The following CPSF7 variants were observed in gnomAD, a reference collection of about 807,000 sequenced individuals.
CPSF7 encodes cleavage and polyadenylation specificity factor subunit 7.
In CPSF7, 1 loss-of-function variant was observed where a neutral mutation model predicts 44.3. The ratio of observed to expected loss-of-function variants is 0.02; its 90% CI spans 0.01 to 0.11. The LOEUF is 0.11. CPSF7 is among the 10% of genes least tolerant of loss of function. The pLI is 1.00. For synonymous variants in CPSF7, 202 were observed against 222.0 expected (o/e 0.91, Z 0.80); for missense variants, 443 against 607.2 (o/e 0.73, Z 2.84).
chr11:61,419,924 C>G, intron 5 of CPSF7, 25 bp downstream of exon 5: 1 of 1,612,858 alleles, frequency 6.2e-7, no homozygotes, highest in South Asian at 1.1e-5. Context: ...CCACGTACCC[C>G]CTCTTGGGAC....
At chr11:61,410,699 C>A in intron 9 of CPSF7, 1 of 356,756 alleles carries the variant, frequency 2.8e-6, no homozygotes, top group South Asian at 8.0e-5. Context: ...ATGCAGACAC[C>A]ATACTCTCAC....
rs780165971 is a variant in CPSF7, at chr11:61,411,110, T to G, written c.1227-5A>C. 1 of 1,604,070 alleles carries G rather than the reference T, an allele frequency of 6.2e-7. No individual in the cohort carries two copies. The highest frequency in any genetic ancestry group is 1.1e-5 in the South Asian group (1 of 89,936). ...TCCCGGGAGCGATGTCTTTTCCTAT[T>G]AGAAAGATCCTTCAGCCTCACTCAG... On this transcript the variant is annotated splice_polypyrimidine_tract_variant and splice_region_variant and intron_variant, in intron 8 of 9. Transcript: ENST00000439958.
rs541138809 is a variant in CPSF7, at chr11:61,429,366, C to G, written c.-55-76G>C. On this transcript the variant is annotated intron_variant, in intron 1 of 9. Transcript: ENST00000439958. Reference sequence around the variant, plus strand: ...TGGGAAGAGGGTAATGATTGCTAACCTCCCATCTCCAGAGACGCAGCATCC... The same window carrying G: ...TGGGAAGAGGGTAATGATTGCTAACGTCCCATCTCCAGAGACGCAGCATCC... 1.7e-4 allele frequency: 146 copies of G among 851,952 alleles called. 2 individuals are homozygous for G. The highest frequency in any genetic ancestry group is 1.1e-3 in the Admixed American group (60 of 53,954). 52.8% of individuals were successfully genotyped at this position (851,952 alleles called of 1,614,324 possible).
At chr11:61,408,144 C>T (rs1859492517) in intron 9 of CPSF7, among the ~76,000 whole-genome samples, 1 of 151,306 alleles carries the variant, frequency 6.6e-6, no homozygotes, top group Non-Finnish European at 1.5e-5. Context: ...GCAAGCTCTG[C>T]CTCCCGGGTT....
chr11:61,427,356 TA>T (rs1170664768), intron 2 of CPSF7: 1 of 152,106 alleles, frequency 6.6e-6, no homozygotes, highest in Non-Finnish European at 1.5e-5. Flanking sequence ...TGGACTTATT[TA>T]AAACTAAAAA....
At chr11:61,416,618 G>A (rs1860364708) in intron 5 of CPSF7, 99 bp from the exon 6 acceptor site, 2 of 1,279,516 alleles carry the variant, frequency 1.6e-6, no homozygotes, top group South Asian at 2.6e-5. Context: ...TACAAAGGAA[G>A]GTGACTAAAG....
At chr11:61,409,415 G>A (rs906768384) in intron 9 of CPSF7, among the ~76,000 whole-genome samples, 8 of 151,984 alleles carry the variant, frequency 5.3e-5, no homozygotes, top group Non-Finnish European at 5.9e-5. Context: ...AGTTTGCAGT[G>A]AGCCGAGATT....
At chr11:61,428,305 C>G (rs1188587165) in intron 2 of CPSF7, among the ~76,000 whole-genome samples, 1 of 152,192 alleles carries the variant, frequency 6.6e-6, no homozygotes, top group Non-Finnish European at 1.5e-5. Flanking sequence ...GCCTCACTCT[C>G]CAGAGTAGAT....
chr11:61,421,833 A>G (rs181486461), intron 2 of CPSF7, among the ~76,000 whole-genome samples: 4 of 152,252 alleles, frequency 2.6e-5, no homozygotes, highest in Admixed American at 6.5e-5. Context: ...TAGTCTGTAA[A>G]GTTTCTGGCT....
Position 61,427,854 on chromosome 11 carries a change from T to C in CPSF7, c.54+1328A>G, listed in dbSNP as rs533800621. On this transcript the variant is annotated intron_variant, in intron 2 of 9. Transcript: ENST00000439958. The stretch of plus-strand genomic sequence containing the variant: ...TAATTTCCATGTTATAAAACCATAA[T>C]ACATCAAAAAATAGATTTTCATGTA... Among the ~76,000 whole-genome samples the C allele has an allele frequency of 7.9e-5, 12 of 152,296 alleles. 2 individuals carry two copies. The highest frequency in any genetic ancestry group is 2.9e-4 in the African/African-American group (12 of 41,574).
chr11:61,425,783 T>C (rs184226149), intron 2 of CPSF7, among the ~76,000 whole-genome samples: 33 of 152,340 alleles, frequency 2.2e-4, no homozygotes, highest in African/African-American at 7.5e-4. Flanking sequence ...TCACTGTACA[T>C]TGTCGTTGTC....
At chr11:61,424,882 G>C (rs10897159) in intron 2 of CPSF7, among the ~76,000 whole-genome samples, 9,245 of 152,244 alleles carry the variant, frequency 0.061, 989 homozygotes, top group African/African-American at 0.21. Context: ...AGGTATATGT[G>C]TCTAAAATTT....
At chr11:61,412,511 G>C (rs532986053) in intron 7 of CPSF7, among the ~76,000 whole-genome samples, 68 of 152,208 alleles carry the variant, frequency 4.5e-4, no homozygotes, top group African/African-American at 1.6e-3. Context: ...GGATGGTCTT[G>C]ATCTCCTGAC....
intron 9 of CPSF7, among the ~76,000 whole-genome samples, chr11:61,408,377 G>A (rs1420825136): frequency 6.6e-6 from 1 of 152,132 alleles, no homozygotes; most frequent in Non-Finnish European, 1.5e-5. Flanking sequence ...AAAGTGCTGG[G>A]ATTTCAGGTG....
chr11:61,412,014 A>G lies in CPSF7; in HGVS notation c.1058-77T>C, dbSNP rs1374162632. 51 of 1,341,834 alleles carry G rather than the reference A, an allele frequency of 3.8e-5. 1 individual carries two copies. In the East Asian group the frequency reaches 1.2e-3, roughly 31 times the overall value. 83.1% of individuals were successfully genotyped at this position (1,341,834 alleles called of 1,614,324 possible). Reference sequence around the variant, plus strand: ...ACTGGACCAAAAGGAGAACTCAGGCAGACACAAACCAAGAGTAGCTAGCCG... The same window carrying G: ...ACTGGACCAAAAGGAGAACTCAGGCGGACACAAACCAAGAGTAGCTAGCCG... On this transcript the variant is annotated intron_variant, in intron 7 of 9. Transcript: ENST00000439958.
chr11:61,425,361 A>AT (rs1861254724), intron 2 of CPSF7, among the ~76,000 whole-genome samples: 1 of 152,352 alleles, frequency 6.6e-6, no homozygotes, highest in East Asian at 1.9e-4. Flanking sequence ...AATTCTACAA[A>AT]TTAAGTGAAA....
At chr11:61,421,117 C>T (rs1860834186) in intron 3 of CPSF7, 1 of 1,406,280 alleles carries the variant, frequency 7.1e-7, no homozygotes, top group Non-Finnish European at 9.4e-7. Flanking sequence ...AATCTCGTCC[C>T]TCAGATGACC....
At chr11:61,410,374 A>G (rs542333035) in intron 9 of CPSF7, among the ~76,000 whole-genome samples, 1 of 152,330 alleles carries the variant, frequency 6.6e-6, no homozygotes, top group African/African-American at 2.4e-5. Flanking sequence ...GTGAGCCATC[A>G]TGCCAAGCCT....
chr11:61,420,895 C>T, intron 3 of CPSF7: 1 of 492,708 alleles, frequency 2.0e-6, no homozygotes, highest in South Asian at 1.7e-5. Flanking sequence ...CTAGAGTTGA[C>T]CATTGCCAGA....
Sources: gnomAD v4.1 joint callset for allele counts (sites outside exome capture counted in the v4.1 genomes callset) on GRCh38, gnomAD v4.1.1 for gene constraint, MANE v1.5 for transcripts, NCBI Gene and HGNC (gene_info 2026-07-23, HGNC 2026-07-21) for gene names.